The following MBTD1 variants were observed in gnomAD, a reference collection of about 807,000 sequenced individuals.
MBTD1 encodes the protein MBT domain-containing protein 1.
MBTD1 carries 24 observed loss-of-function variants against 87.8 expected under a neutral mutation model. That is an observed-to-expected ratio of 0.27 (90% CI 0.20 to 0.38). The LOEUF is 0.38. Among genes scored for constraint, MBTD1 ranks in the 10% least tolerant of loss-of-function variants. The pLI is 1.00. For missense variants in MBTD1, 436 were observed against 760.2 expected, an observed-to-expected ratio of 0.57 and a Z score of 5.02; for synonymous variants, 237 against 248.6, an observed-to-expected ratio of 0.95 and a Z score of 0.44.
chr17:51,195,696 G>A (rs893085148), intron 12 of MBTD1, among the ~76,000 whole-genome samples: 4 of 152,172 alleles, frequency 2.6e-5, no homozygotes, highest in Admixed American at 2.6e-4. Flanking sequence ...TTTCAGCTAG[G>A]CTCCAAATCC....
intron 3 of MBTD1, among the ~76,000 whole-genome samples, chr17:51,221,960 T>C (rs2052923408): frequency 1.3e-5 from 2 of 152,160 alleles, no homozygotes; most frequent in Non-Finnish European, 2.9e-5. Context: ...TGCCAGAAGA[T>C]TGCAGGTGAA....
At chr17:51,228,636 C>T (rs1010634831) in intron 2 of MBTD1, among the ~76,000 whole-genome samples, 17 of 149,834 alleles carry the variant, frequency 1.1e-4, no homozygotes, top group East Asian at 1.9e-4. Context: ...GGAGGCTGGG[C>T]GCGGTGGGTC....
chr17:51,217,867 G>A lies in MBTD1; in HGVS notation c.404-451C>T, dbSNP rs538390092. Reference sequence around the variant, plus strand: ...CGTGATCCACCTGTCTTGGCCCTGGGATTACAGGTGTGAGCCACCACGCCT... The same window carrying A: ...CGTGATCCACCTGTCTTGGCCCTGGAATTACAGGTGTGAGCCACCACGCCT... On this transcript the variant is annotated intron_variant, in intron 5 of 16. Coordinates refer to ENST00000586178, the MANE Select transcript of MBTD1 (RefSeq NM_017643.3). Among the ~76,000 whole-genome samples, 37 of 152,206 alleles carry A rather than the reference G, an allele frequency of 2.4e-4. No individual in the cohort carries two copies. The South Asian group carries it at 6.6e-3, about 27-fold the overall frequency.
chr17:51,242,372 A>C (rs1414143624), intron 2 of MBTD1, among the ~76,000 whole-genome samples: 1 of 152,082 alleles, frequency 6.6e-6, no homozygotes, highest in Non-Finnish European at 1.5e-5. Context: ...AAACCTATCT[A>C]CTCATTTGCT....
At chr17:51,185,491 G>C (rs556466152) in intron 16 of MBTD1, 1 of 152,242 alleles carries the variant, frequency 6.6e-6, no homozygotes, top group East Asian at 1.9e-4. Context: ...ACATAATCAT[G>C]AACTTATGGA....
intron 2 of MBTD1, among the ~76,000 whole-genome samples, chr17:51,228,797 T>C (rs2053390359): frequency 6.7e-6 from 1 of 149,416 alleles, no homozygotes; most frequent in Non-Finnish European, 1.5e-5. Flanking sequence ...CTCGGGAGGC[T>C]GAGGCAGGGA....
intron 2 of MBTD1, among the ~76,000 whole-genome samples, chr17:51,245,650 C>A (rs1442849599): frequency 6.6e-6 from 1 of 151,802 alleles, no homozygotes; most frequent in Non-Finnish European, 1.5e-5. Flanking sequence ...TTTAAAATAC[C>A]ACTTTAAGTG....
intron 2 of MBTD1, chr17:51,251,654 TGG>T (rs2054792534): frequency 6.6e-6 from 1 of 152,258 alleles, no homozygotes; most frequent in Non-Finnish European, 1.5e-5. Flanking sequence ...AGTTGGAATT[TGG>T]TTTATTTCTC....
intron 16 of MBTD1, among the ~76,000 whole-genome samples, chr17:51,189,084 T>C (rs1454150530): frequency 6.6e-6 from 1 of 152,156 alleles, no homozygotes; most frequent in Non-Finnish European, 1.5e-5. Context: ...AAAAGAACTT[T>C]GGCAACAAAG....
At position 51,179,490 on chromosome 17, in the gene MBTD1, A is replaced by ATT. The variant is rs2050208631; in HGVS notation, c.*1085_*1086insAA. On this transcript the variant is annotated 3_prime_UTR_variant, in exon 17 of 17. Coordinates refer to ENST00000586178, the MANE Select transcript of MBTD1 (RefSeq NM_017643.3). Reference sequence around the variant, plus strand: ...AATACAATTAAAGACAATTTTATATATATATATATATATATATATATATAT... The same window carrying ATT: ...AATACAATTAAAGACAATTTTATATATTTATATATATATATATATATATATAT... 4.2e-5 allele frequency: 1 copy of ATT among 23,548 alleles called. No individual in the cohort carries two copies. The highest frequency in any genetic ancestry group is 9.0e-5 in the Non-Finnish European group (1 of 11,156). 1.5% of individuals were successfully genotyped at this position (23,548 alleles called of 1,614,324 possible). A position where few individuals can be genotyped will look rare whatever the true frequency, so the allele number is the denominator to read the frequency against.
chr17:51,217,281 G>A (rs968634858), intron 6 of MBTD1, 53 bp downstream of exon 6: 4 of 1,059,158 alleles, frequency 3.8e-6, no homozygotes, highest in Non-Finnish European at 5.5e-6. Context: ...TGTACCTTCA[G>A]ATTTAAACAA....
intron 3 of MBTD1, among the ~76,000 whole-genome samples, chr17:51,223,614 T>C (rs1172186034): frequency 1.3e-5 from 2 of 152,004 alleles, no homozygotes; most frequent in Non-Finnish European, 2.9e-5. Context: ...GGCAGGCAGA[T>C]TGCTTAAGGT....
At chr17:51,181,403 A>G (rs114932822) in intron 16 of MBTD1, among the ~76,000 whole-genome samples, 2,763 of 151,928 alleles carry the variant, frequency 0.018, 103 homozygotes, top group African/African-American at 0.062. Flanking sequence ...TTAAAAAATT[A>G]TAAATTACAT....
intron 2 of MBTD1, among the ~76,000 whole-genome samples, chr17:51,253,565 A>AT (rs2144244550): frequency 6.6e-6 from 1 of 152,264 alleles, no homozygotes; most frequent in South Asian, 2.1e-4. Context: ...ACAGATCAAT[A>AT]TATGTATGTT....
chr17:51,245,751 C>T (rs7209638), intron 2 of MBTD1, among the ~76,000 whole-genome samples: 77,879 of 151,798 alleles, frequency 0.51, 20,283 homozygotes, highest in South Asian at 0.65. Context: ...TCTGAATCAT[C>T]AAGGGTTTGG....
rs58563366 is a variant in MBTD1, at chr17:51,218,529, CAAAAAAAAA to C, written c.403+392_403+400del. Among the ~76,000 whole-genome samples the C allele has an allele frequency of 2.5e-3, 274 of 110,662 alleles. 3 individuals are homozygous for C. The highest frequency in any genetic ancestry group is 9.4e-3 in the Middle Eastern group (2 of 212). The allele number at this position is 110,662 out of a possible 152,430, so 72.6% of individuals were successfully genotyped here. Reference sequence around the variant, plus strand: ...GAGTGACAGAGCAAGACTCTGTCTCCAAAAAAAAAAAAAAAAAAAAAAAAAAATCTATTG... The same window carrying C: ...GAGTGACAGAGCAAGACTCTGTCTCCAAAAAAAAAAAAAAAAAATCTATTG... On this transcript the variant is annotated intron_variant, in intron 5 of 16. Coordinates refer to ENST00000586178, the MANE Select transcript of MBTD1 (RefSeq NM_017643.3).
chr17:51,228,324 C>T (rs2053348218), intron 2 of MBTD1, among the ~76,000 whole-genome samples: 1 of 151,946 alleles, frequency 6.6e-6, no homozygotes, highest in African/African-American at 2.4e-5. Context: ...CGACAAACCC[C>T]CATGACACAC....
chr17:51,231,852 C>T (rs2053567962), intron 2 of MBTD1, among the ~76,000 whole-genome samples: 1 of 151,356 alleles, frequency 6.6e-6, no homozygotes, highest in African/African-American at 2.4e-5. Context: ...ACTACAGTGA[C>T]TTATCTAAGT....
chr17:51,192,351 C>T (rs2050854161), intron 15 of MBTD1, 71 bp from the exon 16 acceptor site: 2 of 1,051,992 alleles, frequency 1.9e-6, no homozygotes, highest in Non-Finnish European at 2.9e-6. Flanking sequence ...TGTCTAGATA[C>T]AACTTATATG....
Sources: allele counts gnomAD v4.1 joint callset (sites outside exome capture counted in the v4.1 genomes callset), GRCh38; gene constraint gnomAD v4.1.1; transcripts MANE v1.5; gene names NCBI Gene and HGNC (gene_info 2026-07-23, HGNC 2026-07-21).